GFRA2: variants seen among roughly 807,000 people sequenced by gnomAD.
GFRA2 encodes GDNF family receptor alpha 2.
Under a neutral mutation model 48.3 loss-of-function variants are expected in GFRA2, and 17 were observed. The ratio of observed to expected loss-of-function variants is 0.35; its 90% CI spans 0.24 to 0.53. The LOEUF is 0.53. GFRA2 is among the 20% of genes least tolerant of loss of function. The pLI is 0.93. For synonymous variants in GFRA2, 305 were observed against 257.2 expected (o/e 1.19, Z -1.78); for missense variants, 660 against 637.3 (o/e 1.04, Z -0.38).
At chr8:21,759,464 GGGAGGGAGGGAAAGAA>G (rs1308728148) in intron 3 of GFRA2, among the ~76,000 whole-genome samples, 1 of 109,152 alleles carries the variant, frequency 9.2e-6, no homozygotes, top group African/African-American at 4.0e-5. Flanking sequence ...GAGGGAGGGA[GGGAGGGAGGGAAAGAA>G]GGAAAGAAGG....
At chr8:21,713,220 C>G (rs1803161841) in intron 4 of GFRA2, among the ~76,000 whole-genome samples, 1 of 152,040 alleles carries the variant, frequency 6.6e-6, no homozygotes, top group African/African-American at 2.4e-5. Flanking sequence ...GAGATGGACT[C>G]TTTCTCTTTT....
At chr8:21,767,073 T>C (rs1159257922) in intron 3 of GFRA2, among the ~76,000 whole-genome samples, 2 of 140,696 alleles carry the variant, frequency 1.4e-5, no homozygotes, top group African/African-American at 2.7e-5. Flanking sequence ...AGGCACCCCA[T>C]ACACTATCTC....
intron 1 of GFRA2, among the ~76,000 whole-genome samples, chr8:21,812,014 C>G (rs1318128033): frequency 6.6e-6 from 1 of 152,170 alleles, no homozygotes; most frequent in African/African-American, 2.4e-5. Context: ...CATATAGATC[C>G]CGCCATCCCG....
intron 7 of GFRA2, among the ~76,000 whole-genome samples, chr8:21,695,952 G>A (rs955308354): frequency 5.9e-5 from 9 of 152,032 alleles, no homozygotes; most frequent in African/African-American, 2.2e-4. Flanking sequence ...TGTTTCAGGT[G>A]TGGCAGGCCA....
chr8:21,715,605 C>T (rs376373076), intron 4 of GFRA2, among the ~76,000 whole-genome samples: 14 of 152,316 alleles, frequency 9.2e-5, no homozygotes, highest in East Asian at 7.7e-4. Flanking sequence ...TATGCCACCT[C>T]CTGGGCCCAG....
chr8:21,799,802 A>G (rs945481294), intron 2 of GFRA2, among the ~76,000 whole-genome samples: 1 of 152,226 alleles, frequency 6.6e-6, no homozygotes, highest in Non-Finnish European at 1.5e-5. Context: ...AGCTGGCAAC[A>G]GTCCTGGAAA....
At chr8:21,736,187 A>G (rs972925917) in intron 4 of GFRA2, among the ~76,000 whole-genome samples, 5 of 152,222 alleles carry the variant, frequency 3.3e-5, no homozygotes, top group African/African-American at 9.6e-5. Context: ...CATTTCTTCA[A>G]TGAGAGTGGA....
In GFRA2 at chr8:21,709,344, A is replaced by G. The variant is rs144200760; in HGVS notation, c.795-3303T>C. ...ACCAGGCAACTGAAAGATTCATTGC[A>G]TGAGCAGTTCCTGATTTTGCCCTAC... On this transcript the variant is annotated intron_variant, in intron 4 of 8. Transcript: ENST00000524240. 5.9e-3 allele frequency among the ~76,000 whole-genome samples: 895 copies of G among 152,372 alleles called. 12 individuals carry two copies. Among genetic ancestry groups the G allele is most frequent in the African/African-American group, 0.02 (811 of 41,584 alleles).
intron 3 of GFRA2, among the ~76,000 whole-genome samples, chr8:21,759,630 T>C (rs1303982075): frequency 6.6e-6 from 1 of 151,976 alleles, no homozygotes. Context: ...GCTTCACACC[T>C]GTAACCCCAG....
At position 21,788,219 on chromosome 8, in the gene GFRA2, G is replaced by A; in HGVS notation, c.-60C>T. On this transcript the variant is annotated 5_prime_UTR_variant, in exon 1 of 9. Transcript: ENST00000524240. Reference sequence around the variant, plus strand: ...CCTTGGGTAAAAAAAAATAATAGTAGTAACAACAACAATAATAATAGGCAA... The same window carrying A: ...CCTTGGGTAAAAAAAAATAATAGTAATAACAACAACAATAATAATAGGCAA... The A allele has an allele frequency of 1.3e-6, 2 of 1,586,302 alleles. No homozygotes were observed. Among genetic ancestry groups the A allele is most frequent in the East Asian group, 2.4e-5 (1 of 42,282 alleles).
intron 4 of GFRA2, among the ~76,000 whole-genome samples, chr8:21,714,660 G>A (rs943358426): frequency 8.5e-5 from 13 of 152,158 alleles, no homozygotes; most frequent in African/African-American, 1.2e-4. Context: ...GACCTACTAT[G>A]TGTCAGGCGC....
chr8:21,808,286 T>A (rs1423566269), intron 1 of GFRA2, among the ~76,000 whole-genome samples: 2 of 152,212 alleles, frequency 1.3e-5, no homozygotes, highest in African/African-American at 4.8e-5. Context: ...CAAATCCTAA[T>A]GGCTCTGTTA....
intron 7 of GFRA2, among the ~76,000 whole-genome samples, chr8:21,702,346 T>C (rs944974913): frequency 3.3e-5 from 5 of 152,156 alleles, no homozygotes; most frequent in Admixed American, 3.3e-4. Flanking sequence ...AGGACTTCCA[T>C]AACCAGAACA....
chr8:21,776,982 A>T (rs2117716779), intron 2 of GFRA2, among the ~76,000 whole-genome samples: 1 of 152,350 alleles, frequency 6.6e-6, no homozygotes, highest in Non-Finnish European at 1.5e-5. Context: ...CAATAAAAAT[A>T]ATGTTAGACT....
chr8:21,741,932 A>AAAG (rs1554491493), intron 4 of GFRA2, among the ~76,000 whole-genome samples: 11,777 of 148,626 alleles, frequency 0.079, 1,536 homozygotes, highest in African/African-American at 0.28. Flanking sequence ...AAAAAAAAAA[A>AAAG]AAAGAAAGAA....
At chr8:21,779,651 AG>A (rs1361435242) in intron 2 of GFRA2, 1 of 152,266 alleles carries the variant, frequency 6.6e-6, no homozygotes, top group Non-Finnish European at 1.5e-5. Flanking sequence ...CAGTACCCTC[AG>A]GACAGTATTC....
intron 4 of GFRA2, among the ~76,000 whole-genome samples, chr8:21,726,441 T>C (rs1803874338): frequency 6.6e-6 from 1 of 152,164 alleles, no homozygotes; most frequent in Admixed American, 6.5e-5. Flanking sequence ...ACAAACTCAG[T>C]GGCTTAAAAT....
At position 21,729,544 on chromosome 8, in the gene GFRA2, C is replaced by T. The variant is rs543422910; in HGVS notation, c.794+21044G>A. Among the ~76,000 whole-genome samples, 12 of 152,276 alleles carry T rather than the reference C, an allele frequency of 7.9e-5. No individual in the cohort carries two copies. The South Asian group carries it at 1.0e-3, about 13-fold the overall frequency. On this transcript the variant is annotated intron_variant, in intron 4 of 8. Coordinates refer to ENST00000524240, the MANE Select transcript of GFRA2 (RefSeq NM_001495.5). The stretch of plus-strand genomic sequence containing the variant: ...CTTACAGATTTCCCCTCTTCACATC[C>T]GCAGAGAAAACTGGGCTTCACTGTC...
chr8:21,802,004 C>T (rs1333507564), intron 2 of GFRA2, among the ~76,000 whole-genome samples: 5 of 152,246 alleles, frequency 3.3e-5, no homozygotes, highest in South Asian at 2.1e-4. Flanking sequence ...CTCCTCAGCA[C>T]GCTGCCTTGC....
Sources: gnomAD v4.1 joint callset for allele counts (sites outside exome capture counted in the v4.1 genomes callset) on GRCh38, gnomAD v4.1.1 for gene constraint, MANE v1.5 for transcripts, NCBI Gene and HGNC (gene_info 2026-07-23, HGNC 2026-07-21) for gene names.